Variants in ELFN2 observed in about 807,000 individuals in gnomAD.
The protein encoded by ELFN2 is protein phosphatase 1 regulatory subunit 29.
A neutral mutation model predicts 45.5 loss-of-function variants in ELFN2; 17 were observed. The ratio of observed to expected loss-of-function variants is 0.37; its 90% confidence interval spans 0.26 to 0.56. The LOEUF (loss-of-function observed/expected upper bound fraction) is 0.56. Ranked by LOEUF, ELFN2 falls within the 20% of genes least tolerant of loss-of-function variation. ELFN2 has a pLI of 0.77. For synonymous variants in ELFN2, 550 were observed against 551.5 expected (o/e 1.00, Z 0.04); for missense variants, 922 against 1,183.2 (o/e 0.78, Z 3.24).
chr22:37,391,098 G>C (rs140900375), intron 2 of ELFN2, among the ~76,000 whole-genome samples: 1 of 152,242 alleles, frequency 6.6e-6, no homozygotes, highest in Non-Finnish European at 1.5e-5. Flanking sequence ...CGCAAGTGGA[G>C]GACCCACAGC....
chr22:37,367,554 T>C (rs1212263408), downstream of ELFN2, among the ~76,000 whole-genome samples: 1 of 152,106 alleles, frequency 6.6e-6, no homozygotes, highest in Non-Finnish European at 1.5e-5. Context: ...GGGGCTTTTC[T>C]CCCGGGAAGC....
At chr22:37,383,103 C>T (rs974516233) in intron 2 of ELFN2, among the ~76,000 whole-genome samples, 1 of 152,336 alleles carries the variant, frequency 6.6e-6, no homozygotes, top group Non-Finnish European at 1.5e-5. Flanking sequence ...CCCTTGGGTA[C>T]AGCTGCCCGG....
Position 37,355,592 on chromosome 22 carries a change from C to T in ELFN2, n.149-12889G>A, listed in dbSNP as rs538793373. ...CACCCATCGATTGTGGCCTTGTCTC[C>T]CCACCCAAAGGGCTCCCTTCCCAAG... On this transcript the variant is annotated intron_variant and non_coding_transcript_variant, in intron 1 of 2. Transcript: ENST00000452946. Among the ~76,000 whole-genome samples, 5 of 150,022 alleles carry T rather than the reference C, an allele frequency of 3.3e-5. No individual in the cohort carries two copies. The East Asian group carries it at 9.6e-4, about 29-fold the overall frequency.
intron 1 of ELFN2, among the ~76,000 whole-genome samples, chr22:37,418,473 C>T (rs1932782751): frequency 6.6e-6 from 1 of 152,012 alleles, no homozygotes; most frequent in African/African-American, 2.4e-5. Context: ...CCTTGTCCCA[C>T]ACTCCCTACT....
At chr22:37,399,023 G>A (rs1017507571) in intron 2 of ELFN2, among the ~76,000 whole-genome samples, 5 of 152,044 alleles carry the variant, frequency 3.3e-5, no homozygotes, top group East Asian at 3.9e-4. Context: ...AAGACACAGC[G>A]TCCAGCCTTT....
At chr22:37,416,165 C>T (rs994201524) in intron 2 of ELFN2, among the ~76,000 whole-genome samples, 1 of 152,218 alleles carries the variant, frequency 6.6e-6, no homozygotes, top group Admixed American at 6.5e-5. Context: ...ACCCAGAACT[C>T]GCTGCTCTCC....
intron 1 of ELFN2, among the ~76,000 whole-genome samples, chr22:37,425,039 G>A (rs762961417): frequency 2.0e-5 from 3 of 152,130 alleles, no homozygotes; most frequent in African/African-American, 7.2e-5. Context: ...TCAGAGAGGC[G>A]ACGCGAATGC....
At chr22:37,346,231 G>A (rs933242) in intron 1 of ELFN2, among the ~76,000 whole-genome samples, 6,736 of 152,266 alleles carry the variant, frequency 0.044, 519 homozygotes, top group African/African-American at 0.16. Context: ...GAGAAGCTCC[G>A]GCCTGTGCGC....
chr22:37,409,048 C>T (rs1932580565), intron 2 of ELFN2, among the ~76,000 whole-genome samples: 1 of 152,210 alleles, frequency 6.6e-6, no homozygotes, highest in African/African-American at 2.4e-5. Flanking sequence ...AAGGAATCTC[C>T]AGCTTGGCCA....
At chr22:37,349,665 G>A (rs1930779689) in intron 1 of ELFN2, among the ~76,000 whole-genome samples, 1 of 150,990 alleles carries the variant, frequency 6.6e-6, no homozygotes, top group South Asian at 2.1e-4. Context: ...TGCAGGTGGG[G>A]CCTTGCAGGG....
At chr22:37,378,848 A>G (rs1931661289) in intron 2 of ELFN2, among the ~76,000 whole-genome samples, 1 of 152,240 alleles carries the variant, frequency 6.6e-6, no homozygotes, top group African/African-American at 2.4e-5. Flanking sequence ...CGCTGACAGC[A>G]GCACTTGGCC....
intron 2 of ELFN2, among the ~76,000 whole-genome samples, chr22:37,388,922 C>G (rs981912823): frequency 1.2e-4 from 19 of 152,222 alleles, no homozygotes; most frequent in African/African-American, 3.4e-4. Flanking sequence ...GCAGGCACTC[C>G]CCGGGGCTTC....
chr22:37,403,061 G>A (rs5756669), intron 2 of ELFN2, among the ~76,000 whole-genome samples: 2 of 151,694 alleles, frequency 1.3e-5, no homozygotes, highest in African/African-American at 4.8e-5. Context: ...AGCCATAGCC[G>A]CAGCCTATCC....
At chr22:37,342,207 A>G (rs1314336323) in intron 2 of ELFN2, among the ~76,000 whole-genome samples, 4 of 152,242 alleles carry the variant, frequency 2.6e-5, no homozygotes, top group Admixed American at 1.3e-4. Context: ...AGTGAAGCAG[A>G]GCTTTCCACA....
At chr22:37,355,897 G>A (rs571335192) in intron 1 of ELFN2, among the ~76,000 whole-genome samples, 24 of 152,348 alleles carry the variant, frequency 1.6e-4, no homozygotes, top group African/African-American at 5.1e-4. Context: ...ATTGACGTGA[G>A]AGTGTTCAGC....
downstream of ELFN2, among the ~76,000 whole-genome samples, chr22:37,367,015 G>T (rs1931221477): frequency 6.6e-6 from 1 of 152,240 alleles, no homozygotes; most frequent in Non-Finnish European, 1.5e-5. Flanking sequence ...AGCTCCTGAA[G>T]ACCTAGGGCT....
At position 37,350,854 on chromosome 22, in the gene ELFN2, G is replaced by A. The variant is rs117663724; in HGVS notation, n.149-8151C>T. Among the ~76,000 whole-genome samples, 127 of 149,894 alleles carry A rather than the reference G, an allele frequency of 8.5e-4. 6 individuals are homozygous for A. The East Asian group carries it at 0.017, about 20-fold the overall frequency. ...GTCTCCTTTCACCCCACCTCCATCAGCCTCGGAGGGGCCCTCCCCTCTCAG... is the reference window on the plus strand; with the variant it reads ...GTCTCCTTTCACCCCACCTCCATCAACCTCGGAGGGGCCCTCCCCTCTCAG... On this transcript the variant is annotated intron_variant and non_coding_transcript_variant, in intron 1 of 2. Transcript: ENST00000452946.
chr22:37,348,019 T>C (rs1930736562), intron 1 of ELFN2, among the ~76,000 whole-genome samples: 1 of 152,314 alleles, frequency 6.6e-6, no homozygotes, highest in African/African-American at 2.4e-5. Flanking sequence ...ACTCTACCCC[T>C]GGGGATTCTC....
At chr22:37,349,268 G>T (rs1930768492) in intron 1 of ELFN2, among the ~76,000 whole-genome samples, 1 of 151,292 alleles carries the variant, frequency 6.6e-6, no homozygotes, top group Non-Finnish European at 1.5e-5. Flanking sequence ...AGAGGCCAAT[G>T]GGATGAGGGT....
Sources: allele counts gnomAD v4.1 joint callset (sites outside exome capture counted in the v4.1 genomes callset), GRCh38; gene constraint gnomAD v4.1.1; transcripts MANE v1.5; gene names NCBI Gene and HGNC (gene_info 2026-07-23, HGNC 2026-07-21).